NPVF: variants seen among roughly 807,000 people sequenced by gnomAD.
NPVF encodes neuropeptide VF precursor.
NPVF carries 17 observed loss-of-function variants against 15.7 expected under a neutral mutation model. That is an observed-to-expected ratio of 1.08 (90% confidence interval 0.74 to 1.62). The LOEUF is 1.62. Among genes scored for constraint, NPVF ranks in the 40% most tolerant of loss-of-function variants. The probability of loss-of-function intolerance (pLI) is 0.00; values close to 1 mark genes in which losing one functional copy is unlikely to be tolerated. For synonymous variants in NPVF, 70 were observed against 80.1 expected, an observed-to-expected ratio of 0.87 and a Z score of 0.67; for missense variants, 270 against 225.2, an observed-to-expected ratio of 1.20 and a Z score of -1.27.
Position 25,228,325 on chromosome 7 carries a change from C to A in NPVF, c.115G>T (p.Glu39Ter), listed in dbSNP as rs1270732967. 1.2e-5 allele frequency: 18 copies of A among 1,516,322 alleles called. No homozygotes were observed. The highest frequency in any genetic ancestry group is 4.1e-5 in the African/African-American group (3 of 72,772). The allele number at this position is 1,516,322 out of a possible 1,614,324, so 93.9% of individuals were successfully genotyped here. The change falls in exon 1 of 3, where the codon GAA (glutamate) becomes TAA (stop). Residue 39 changes from glutamate to a stop codon, truncating the protein, a stop_gained. Transcript: ENST00000222674. LOFTEE classifies it high-confidence loss of function. ...ACCTCAGAATATTTGTCATAATTTT[C>A]TTTGCTGTGAAGATTGGACATCACT... ...ELVMSNLHSK[E>*]NYDKYSEPRG...
At chr7:25,225,264 A>T (rs1783110882) in intron 2 of NPVF, 91 bp from the exon 3 acceptor site, 1 of 995,508 alleles carries the variant, frequency 1.0e-6, no homozygotes, top group Middle Eastern at 3.1e-4. Flanking sequence ...CTAACTGCCT[A>T]ATTATACTTG....
At chr7:25,225,460 G>C (rs1043892991) in intron 2 of NPVF, among the ~76,000 whole-genome samples, 1 of 152,236 alleles carries the variant, frequency 6.6e-6, no homozygotes, top group Non-Finnish European at 1.5e-5. Context: ...AGAAATGTCA[G>C]TGGTTCTCCC....
In NPVF at chr7:25,226,783, G is replaced by T. The variant is rs1263762257; in HGVS notation, c.382C>A (p.Pro128Thr). Residue 128 changes from proline to threonine, a missense_variant, in exon 2 of 3, where the codon CCC becomes ACC. Pro to Thr is a conservative substitution (Grantham distance 38, BLOSUM62 -1). Coordinates refer to ENST00000222674, the MANE Select transcript of NPVF (RefSeq NM_022150.3). ...GTTGTTGTTCTCCCAAACCTTTGGGGCAGGTTAGGAACACGTCTCACGAGG... is the reference window on the plus strand; with the variant it reads ...GTTGTTGTTCTCCCAAACCTTTGGGTCAGGTTAGGAACACGTCTCACGAGG... ...VSLVRRVPNL[P>T]QRFGRTTTAK... 6.2e-7 allele frequency: 1 copy of T among 1,614,110 alleles called. No individual in the cohort carries two copies. Among genetic ancestry groups the T allele is most frequent in the African/African-American group, 1.3e-5 (1 of 75,038 alleles).
Position 25,226,614 on chromosome 7 carries a change from C to CCAGT in NPVF, c.539+11_539+12insACTG, listed in dbSNP as rs745723973. ...ACTGCCCATGCACTTTGACTGGTTT[C>CCAGT]CAGGTATTTACCTTGACTGTTTTTG... is the stretch of plus-strand genomic sequence containing the variant. On this transcript the variant is annotated intron_variant, in intron 2 of 2. Coordinates refer to ENST00000222674, the MANE Select transcript of NPVF (RefSeq NM_022150.3). 8.7e-6 allele frequency: 14 copies of CCAGT among 1,610,208 alleles called. No homozygotes were observed. In the South Asian group the frequency reaches 1.2e-4, roughly 14 times the overall value.
rs747736101 is a variant in NPVF at position 25,226,845 on chromosome 7, T to C, written c.320A>G (p.Asn107Ser). 6.2e-7 allele frequency: 1 copy of C among 1,614,200 alleles called. No homozygotes were observed. Among genetic ancestry groups the C allele is most frequent in the East Asian group, 2.2e-5 (1 of 44,884 alleles). Residue 107 changes from asparagine to serine, a missense_variant, in exon 2 of 3, where the codon AAC becomes AGC. Physicochemically the swap from Asn to Ser is conservative, Grantham distance 46 (BLOSUM62 1). Transcript: ENST00000222674. ...QEERSAGATA[N>S]LPLRSGRNME... ...ATTTCTTCCAGATCTCAGAGGCAGG[T>C]TGGCTGTTGCTCCAGCACTTCTTTC...
Position 25,226,671 on chromosome 7 carries a change from G to T in NPVF, c.494C>A (p.Thr165Asn). 1 of 1,614,140 alleles carries T rather than the reference G, an allele frequency of 6.2e-7. No homozygotes were observed. The highest frequency in any genetic ancestry group is 8.5e-7 in the Non-Finnish European group (1 of 1,180,012). ...PCANDLFYSM[T>N]CQHQEIQNPD... Reference sequence around the variant, plus strand: ...ATTCTGGATTTCTTGGTGCTGGCAGGTCATGGAGTAAAATAAGTCATTGGC... The same window carrying T: ...ATTCTGGATTTCTTGGTGCTGGCAGTTCATGGAGTAAAATAAGTCATTGGC... The change falls in exon 2 of 3, where the codon ACC becomes AAC. Residue 165 changes from threonine to asparagine, a missense_variant. By Grantham distance (65) the Thr-to-Asn change is moderately conservative. Coordinates refer to ENST00000222674, the MANE Select transcript of NPVF (RefSeq NM_022150.3).
At chr7:25,227,902 A>G (rs1223901069) in intron 1 of NPVF, among the ~76,000 whole-genome samples, 1 of 152,222 alleles carries the variant, frequency 6.6e-6, no homozygotes, top group Non-Finnish European at 1.5e-5. Flanking sequence ...TTTAGTACAC[A>G]TTGGCCAGTT....
In NPVF at chr7:25,226,758, G is replaced by A; in HGVS notation, c.407C>T (p.Thr136Ile). The A allele has an allele frequency of 6.2e-7, 1 of 1,614,162 alleles. No individual in the cohort carries two copies. Among genetic ancestry groups the A allele is most frequent in the African/African-American group, 1.3e-5 (1 of 75,042 alleles). Residue 136 changes from threonine to isoleucine, a missense_variant, in exon 2 of 3, where the codon ACA becomes ATA. By Grantham distance (89) the Thr-to-Ile change is moderately conservative. Transcript: ENST00000222674. Reference protein sequence around the residue: ...NLPQRFGRTTTAKSVCRMLSD... With the variant: ...NLPQRFGRTTIAKSVCRMLSD... Reference sequence around the variant, plus strand: ...CAGCATCCTGCAGACACTTTTGGCTGTTGTTGTTCTCCCAAACCTTTGGGG... The same window carrying A: ...CAGCATCCTGCAGACACTTTTGGCTATTGTTGTTCTCCCAAACCTTTGGGG...
chr7:25,225,251 G>C, intron 2 of NPVF, 78 bp from the exon 3 acceptor site: 1 of 1,101,066 alleles, frequency 9.1e-7, no homozygotes. Context: ...ACAAGCCATA[G>C]TCCTAACTGC....
Position 25,228,407 on chromosome 7 carries a change from T to A in NPVF, c.33A>T (p.Leu11Phe), listed in dbSNP as rs755788286. 1.3e-6 allele frequency: 2 copies of A among 1,587,428 alleles called. No individual in the cohort carries two copies. The highest frequency in any genetic ancestry group is 1.7e-5 in the Admixed American group (1 of 59,478). Residue 11 changes from leucine to phenylalanine, a missense_variant, in exon 1 of 3, where the codon TTA (leucine) becomes TTT (phenylalanine). By Grantham distance (22) the Leu-to-Phe change is conservative. Transcript: ENST00000222674. The stretch of plus-strand genomic sequence containing the variant: ...ACAAGCTTGAAGTGGCTAAAGTCAA[T>A]AAAATGAATAGTTTTGATGAAATAA... MEIISSKLFI[L>F]LTLATSSLLT...
chr7:25,226,250 G>C (rs1783126521), intron 2 of NPVF, among the ~76,000 whole-genome samples: 2 of 152,196 alleles, frequency 1.3e-5, no homozygotes, highest in Non-Finnish European at 2.9e-5. Flanking sequence ...TTGAGACCTA[G>C]ATTATTGAGA....
Position 25,224,889 on chromosome 7 carries a change from C to T in NPVF, c.*233G>A, listed in dbSNP as rs1783105759. The T allele has an allele frequency of 2.0e-6, 1 of 491,222 alleles. No individual in the cohort carries two copies. The highest frequency in any genetic ancestry group is 3.5e-6 in the Non-Finnish European group (1 of 281,792). 30.4% of individuals were successfully genotyped at this position (491,222 alleles called of 1,614,324 possible). The stretch of plus-strand genomic sequence containing the variant: ...TCTCCATTATCAGAGATTTCTAAAG[C>T]ATTTGCAATGCTTTTTTTTTATTCA... On this transcript the variant is annotated 3_prime_UTR_variant, in exon 3 of 3. Coordinates refer to ENST00000222674, the MANE Select transcript of NPVF (RefSeq NM_022150.3).
In NPVF at chr7:25,224,880, T is replaced by G; in HGVS notation, c.*242A>C. On this transcript the variant is annotated 3_prime_UTR_variant, in exon 3 of 3. Coordinates refer to ENST00000222674, the MANE Select transcript of NPVF (RefSeq NM_022150.3). ...CTGTCTCTCTCTCCATTATCAGAGA[T>G]TTCTAAAGCATTTGCAATGCTTTTT... 2.1e-6 allele frequency: 1 copy of G among 475,624 alleles called. No homozygotes were observed. The highest frequency in any genetic ancestry group is 3.7e-6 in the Non-Finnish European group (1 of 272,636). The allele number at this position is 475,624 out of a possible 1,614,324, so 29.5% of individuals were successfully genotyped here. A position where few individuals can be genotyped will look rare whatever the true frequency, so the allele number is the denominator to read the frequency against.
In NPVF at chr7:25,225,062, TTCGC is replaced by T; in HGVS notation, c.*56_*59del. ...TATGTAGCTACTCTTCCGTGTGGTCTTCGCTATAGAGCCATTTGTAGATTACAGG... is the reference window on the plus strand; with the variant it reads ...TATGTAGCTACTCTTCCGTGTGGTCTTATAGAGCCATTTGTAGATTACAGG... On this transcript the variant is annotated 3_prime_UTR_variant, in exon 3 of 3. Transcript: ENST00000222674. The T allele has an allele frequency of 6.9e-7, 1 of 1,458,296 alleles. No homozygotes were observed. Among genetic ancestry groups the T allele is most frequent in the Non-Finnish European group, 9.5e-7 (1 of 1,048,546 alleles). 90.3% of individuals were successfully genotyped at this position (1,458,296 alleles called of 1,614,324 possible).
intron 1 of NPVF, among the ~76,000 whole-genome samples, chr7:25,227,351 G>T (rs1406944380): frequency 2.6e-5 from 4 of 151,904 alleles, no homozygotes; most frequent in South Asian, 4.2e-4. Flanking sequence ...TTCTCTTTTG[G>T]TTTTTTTGAT....
intron 1 of NPVF, among the ~76,000 whole-genome samples, chr7:25,228,063 T>C (rs1783153156): frequency 6.6e-6 from 1 of 152,240 alleles, no homozygotes; most frequent in African/African-American, 2.4e-5. Flanking sequence ...AAATTATTAA[T>C]GCGCTGTATG....
rs569087357 is a variant in NPVF, at chr7:25,228,393, G to A, written c.47C>T (p.Thr16Ile). The change falls in exon 1 of 3, where the codon ACT becomes ATT. Residue 16 changes from threonine to isoleucine, a missense_variant. Thr to Ile is a moderately conservative substitution (Grantham distance 89). Transcript: ENST00000222674. ...AATGTTTGATGTTAACAAGCTTGAAGTGGCTAAAGTCAATAAAATGAATAG... is the reference window on the plus strand; with the variant it reads ...AATGTTTGATGTTAACAAGCTTGAAATGGCTAAAGTCAATAAAATGAATAG... ...SKLFILLTLATSSLLTSNIFC... is the reference protein window; with the variant it reads ...SKLFILLTLAISSLLTSNIFC... 7 of 1,583,354 alleles carry A rather than the reference G, an allele frequency of 4.4e-6. No individual in the cohort carries two copies. The African/African-American group carries it at 8.1e-5, about 18-fold the overall frequency.
Position 25,227,051 on chromosome 7 carries a change from A to G in NPVF, c.139-25T>C, listed in dbSNP as rs758339152. 2.5e-6 allele frequency: 4 copies of G among 1,569,944 alleles called. No homozygotes were observed. The East Asian group carries it at 6.7e-5, about 26-fold the overall frequency. On this transcript the variant is annotated intron_variant, in intron 1 of 2. Transcript: ENST00000222674. ...GCTATAATTAGAAATGACCATTACA[A>G]TAACATACTGTTGTTATAAGCAACA...
At chr7:25,228,275 C>T in intron 1 of NPVF, 27 bp downstream of exon 1, 2 of 1,353,840 alleles carry the variant, frequency 1.5e-6, no homozygotes, top group Admixed American at 1.8e-5. Flanking sequence ...TAATGCTACT[C>T]ACATTAGAGA....
Sources: gnomAD v4.1 joint callset for allele counts (sites outside exome capture counted in the v4.1 genomes callset) on GRCh38, gnomAD v4.1.1 for gene constraint, MANE v1.5 for transcripts, NCBI Gene and HGNC (gene_info 2026-07-23, HGNC 2026-07-21) for gene names.